Variants in MRFAP1L2 observed in about 807,000 individuals in gnomAD.
MRFAP1L2 encodes MORF4 family-associated protein 1-like protein UPP.
chr4:6,674,634 C>G, the MRFAP1L2 span: 4 of 562,712 alleles, frequency 7.1e-6, no homozygotes, highest in African/African-American at 2.0e-5. Context: ...GTGGAAGGCG[C>G]TGGGTAGGCA....
the MRFAP1L2 span, chr4:6,674,589 G>C: frequency 1.3e-5 from 8 of 619,758 alleles, no homozygotes; most frequent in East Asian, 1.6e-4. Flanking sequence ...GAGGCCGCGC[G>C]GGTCTGGAGC....
At chr4:6,674,158 C>T in the MRFAP1L2 span, 1 of 384,924 alleles carries the variant, frequency 2.6e-6, no homozygotes, top group Non-Finnish European at 4.6e-6. Context: ...CTTCCGCGCT[C>T]GCTGCTGGTG....
chr4:6,674,104 G>T, the MRFAP1L2 span: 1 of 383,558 alleles, frequency 2.6e-6, no homozygotes, highest in Non-Finnish European at 4.6e-6. Flanking sequence ...GCTGCGGAAA[G>T]TTGGGGCAAC....
the MRFAP1L2 span, chr4:6,674,844 T>A: frequency 1.3e-5 from 5 of 399,606 alleles, no homozygotes; most frequent in East Asian, 1.7e-4. Context: ...AACGTGTGAA[T>A]GTTGTTACGA....
chr4:6,674,430 C>G, the MRFAP1L2 span: 26 of 656,920 alleles, frequency 4.0e-5, no homozygotes, highest in Middle Eastern at 1.1e-3. Flanking sequence ...GCCCGGGCCC[C>G]AGCACCCCGC....
At chr4:6,674,510 G>C in the MRFAP1L2 span, 1 of 671,044 alleles carries the variant, frequency 1.5e-6, no homozygotes, top group South Asian at 1.5e-5. Context: ...TGCGGAGGCG[G>C]CGCGGATGGG....
chr4:6,674,563 G>T, the MRFAP1L2 span: 1 of 657,070 alleles, frequency 1.5e-6, no homozygotes, highest in East Asian at 3.2e-5. Context: ...CCGGCTGCGA[G>T]TGCTGCTGAG....
the MRFAP1L2 span, chr4:6,675,377 T>A: frequency 6.6e-6 from 1 of 152,162 alleles, no homozygotes; most frequent in Non-Finnish European, 1.5e-5. Flanking sequence ...CATGAGAGAC[T>A]TGAGGTTAGA....
chr4:6,674,171 C>T, the MRFAP1L2 span: 1 of 386,138 alleles, frequency 2.6e-6, no homozygotes, highest in Non-Finnish European at 4.6e-6. Context: ...TGCTGGTGAG[C>T]AGCCCCGGCG....
the MRFAP1L2 span, chr4:6,674,101 A>G: frequency 2.6e-6 from 1 of 383,946 alleles, no homozygotes; most frequent in East Asian, 3.7e-5. Context: ...CTCGCTGCGG[A>G]AAGTTGGGGC....
At chr4:6,674,858 T>A in the MRFAP1L2 span, 1 of 358,486 alleles carries the variant, frequency 2.8e-6, no homozygotes, top group South Asian at 6.5e-5. Context: ...GTTACGAGAT[T>A]GGAGCGTTTG....
the MRFAP1L2 span, chr4:6,674,453 G>A: frequency 6.1e-6 from 4 of 660,200 alleles, no homozygotes; most frequent in African/African-American, 5.7e-5. Flanking sequence ...GCGTGCGGAG[G>A]CTGAGGAGCG....
At chr4:6,674,357 C>T in the MRFAP1L2 span, 3 of 639,760 alleles carry the variant, frequency 4.7e-6, no homozygotes, top group African/African-American at 1.9e-5. Flanking sequence ...CCGCAGGAAG[C>T]TGCTGGAGAT....
chr4:6,674,634 C>A, the MRFAP1L2 span: 3 of 562,712 alleles, frequency 5.3e-6, no homozygotes, highest in Middle Eastern at 8.9e-4. Flanking sequence ...GTGGAAGGCG[C>A]TGGGTAGGCA....
the MRFAP1L2 span, chr4:6,674,286 G>T: frequency 1.9e-6 from 1 of 515,736 alleles, no homozygotes; most frequent in South Asian, 2.6e-5. Context: ...CCCGCGCCCC[G>T]CGCCGGCCGC....
chr4:6,674,223 TG>T, the MRFAP1L2 span: 27 of 403,930 alleles, frequency 6.7e-5, no homozygotes, highest in Non-Finnish European at 9.6e-5. Flanking sequence ...ATGCGGCCCG[TG>T]GACGCGGACG....
At chr4:6,674,750 G>A in the MRFAP1L2 span, 16 of 510,698 alleles carry the variant, frequency 3.1e-5, no homozygotes, top group Middle Eastern at 1.5e-3. Context: ...AAAGAGTCAT[G>A]ACCACTGGAA....
the MRFAP1L2 span, chr4:6,675,422 C>G: frequency 1.3e-5 from 2 of 152,092 alleles, no homozygotes; most frequent in African/African-American, 2.4e-5. Flanking sequence ...ATGGTTGCAG[C>G]TGCCACATGA....
chr4:6,674,497 G>A, the MRFAP1L2 span: 4 of 671,516 alleles, frequency 6.0e-6, no homozygotes, highest in South Asian at 6.1e-5. Context: ...CAGAGAGGAA[G>A]GCTGCGGAGG....
Sources: allele counts gnomAD v4.1 joint callset, GRCh38; gene constraint gnomAD v4.1.1; transcripts MANE v1.5; gene names NCBI Gene and HGNC (gene_info 2026-07-23, HGNC 2026-07-21).